Variants in ZBTB20 observed in about 807,000 individuals in gnomAD.
ZBTB20 encodes zinc finger and BTB domain-containing protein 20.
Under a neutral mutation model 56.9 loss-of-function variants are expected in ZBTB20, and 9 were observed. That is an observed-to-expected ratio of 0.16 (90% CI 0.10 to 0.28). ZBTB20 has a LOEUF of 0.28. Ranked by LOEUF, ZBTB20 falls within the 10% of genes least tolerant of loss-of-function variation. The pLI, the probability that ZBTB20 is intolerant of heterozygous loss-of-function variation, is 1.00. For missense variants in ZBTB20, 655 were observed against 1,003.0 expected (o/e 0.65, Z 4.69); for synonymous variants, 417 against 420.7 (o/e 0.99, Z 0.11).
At chr3:114,920,192 AT>A (rs2075903650) in intron 3 of ZBTB20, among the ~76,000 whole-genome samples, 1 of 152,206 alleles carries the variant, frequency 6.6e-6, no homozygotes, top group African/African-American at 2.4e-5. Context: ...AGATTTCAAT[AT>A]TCCACTTTCA....
chr3:115,012,113 C>T (rs2079742575), intron 2 of ZBTB20, among the ~76,000 whole-genome samples: 1 of 151,480 alleles, frequency 6.6e-6, no homozygotes, highest in African/African-American at 2.4e-5. Flanking sequence ...CAGAGAAAAT[C>T]ATCTTCACGA....
At chr3:114,674,523 A>G (rs529355247) in intron 6 of ZBTB20, among the ~76,000 whole-genome samples, 1 of 152,324 alleles carries the variant, frequency 6.6e-6, no homozygotes, top group Admixed American at 6.5e-5. Context: ...ATTTTTAATT[A>G]TTAACTTGTA....
chr3:114,558,922 C>A (rs2051631255), intron 6 of ZBTB20, among the ~76,000 whole-genome samples: 1 of 152,130 alleles, frequency 6.6e-6, no homozygotes, highest in Admixed American at 6.6e-5. Context: ...AAATGATTTT[C>A]CTTCACATCT....
intron 6 of ZBTB20, among the ~76,000 whole-genome samples, chr3:114,606,964 G>A (rs909311515): frequency 6.6e-6 from 1 of 151,826 alleles, no homozygotes; most frequent in African/African-American, 2.4e-5. Context: ...TGGGCGTGGT[G>A]GTGGGCACCT....
chr3:114,475,850 C>A (rs2040693105), intron 7 of ZBTB20, among the ~76,000 whole-genome samples: 1 of 152,070 alleles, frequency 6.6e-6, no homozygotes, highest in Admixed American at 6.5e-5. Flanking sequence ...AAGATAACAA[C>A]CCTGAATCAT....
chr3:114,635,978 C>T (rs974406118), intron 6 of ZBTB20, among the ~76,000 whole-genome samples: 1 of 152,002 alleles, frequency 6.6e-6, no homozygotes, highest in Non-Finnish European at 1.5e-5. Flanking sequence ...ACACCAAGAC[C>T]CATTATAATC....
intron 7 of ZBTB20, among the ~76,000 whole-genome samples, chr3:114,466,483 C>G (rs1440398786): frequency 6.6e-6 from 1 of 152,162 alleles, no homozygotes; most frequent in East Asian, 1.9e-4. Context: ...TAAGACTTTG[C>G]TCCCTCTTAG....
At chr3:114,340,020 T>C (rs903405395) in intron 11 of ZBTB20, among the ~76,000 whole-genome samples, 1 of 152,244 alleles carries the variant, frequency 6.6e-6, no homozygotes, top group African/African-American at 2.4e-5. Context: ...AGCTATACTT[T>C]CAAGTTTATC....
intron 5 of ZBTB20, among the ~76,000 whole-genome samples, chr3:114,787,136 A>G (rs899243501): frequency 2.0e-5 from 3 of 151,424 alleles, no homozygotes; most frequent in Admixed American, 2.0e-4. Flanking sequence ...CACCATGCCT[A>G]GTCAATTAAA....
chr3:114,629,229 A>C (rs1184397523), intron 6 of ZBTB20, among the ~76,000 whole-genome samples: 3 of 152,162 alleles, frequency 2.0e-5, no homozygotes, highest in Non-Finnish European at 4.4e-5. Flanking sequence ...CCATTTGTAA[A>C]ATAGGGATGA....
At chr3:114,748,404 C>T (rs1452311096) in intron 5 of ZBTB20, among the ~76,000 whole-genome samples, 1 of 106,294 alleles carries the variant, frequency 9.4e-6, no homozygotes, top group Non-Finnish European at 2.1e-5. Context: ...TTTGTTGTAG[C>T]TTCCTCTTTC....
At chr3:114,834,839 ATTT>A (rs148347405) in intron 4 of ZBTB20, among the ~76,000 whole-genome samples, 2 of 151,922 alleles carry the variant, frequency 1.3e-5, no homozygotes, top group Non-Finnish European at 2.9e-5. Flanking sequence ...GAAAGCCTGG[ATTT>A]TTTTTATCTT....
intron 2 of ZBTB20, among the ~76,000 whole-genome samples, chr3:115,057,600 G>C (rs2081853553): frequency 6.6e-6 from 1 of 152,076 alleles, no homozygotes; most frequent in African/African-American, 2.4e-5. Flanking sequence ...AAAAAAGTGT[G>C]TTATATTTAC....
rs2079179310 is a variant in ZBTB20, at chr3:114,329,724, A to C, written c.*9281T>G. 2 of 147,298 alleles carry C rather than the reference A, an allele frequency of 1.4e-5. No homozygotes were observed. Among genetic ancestry groups the C allele is most frequent in the African/African-American group, 5.2e-5 (2 of 38,586 alleles). The allele number at this position is 147,298 out of a possible 1,614,324, so 9.1% of individuals were successfully genotyped here. The stretch of plus-strand genomic sequence containing the variant: ...ACTTTTTTTGGAAAAAAAAAAAAAA[A>C]AAAAAAAAAAAAACAACTCCCAGGA... On this transcript the variant is annotated 3_prime_UTR_variant, in exon 12 of 12. Transcript: ENST00000675478.
At chr3:114,568,114 G>A (rs1197972514) in intron 6 of ZBTB20, among the ~76,000 whole-genome samples, 4 of 152,236 alleles carry the variant, frequency 2.6e-5, no homozygotes, top group Non-Finnish European at 5.9e-5. Context: ...GATAACCCTA[G>A]CTTTCTCTTC....
At position 114,666,470 on chromosome 3, in the gene ZBTB20, G is replaced by A. The variant is rs149418979; in HGVS notation, c.-295+27058C>T. Among the ~76,000 whole-genome samples, 260 of 152,070 alleles carry A rather than the reference G, an allele frequency of 1.7e-3. 1 individual carries two copies. Among genetic ancestry groups the A allele is most frequent in the African/African-American group, 6.1e-3 (252 of 41,516 alleles). ...CAAAGGAGATTAGCTATTTCTTTTTGTATGCAGACAGAAAGAAGTGTGATC... is the reference window on the plus strand; with the variant it reads ...CAAAGGAGATTAGCTATTTCTTTTTATATGCAGACAGAAAGAAGTGTGATC... On this transcript the variant is annotated intron_variant, in intron 6 of 11. Coordinates refer to ENST00000675478, the MANE Select transcript of ZBTB20 (RefSeq NM_001348800.3).
At chr3:114,783,855 AT>A (rs1389977140) in intron 5 of ZBTB20, among the ~76,000 whole-genome samples, 4 of 152,046 alleles carry the variant, frequency 2.6e-5, no homozygotes, top group Non-Finnish European at 5.9e-5. Flanking sequence ...ACTGAAAAAA[AT>A]ATGCTTAGTT....
chr3:114,474,129 C>A (rs553640718), intron 7 of ZBTB20, among the ~76,000 whole-genome samples: 2 of 152,166 alleles, frequency 1.3e-5, no homozygotes, highest in Non-Finnish European at 2.9e-5. Flanking sequence ...AAAGACAAGC[C>A]CCCTGATTCA....
At chr3:114,499,707 C>T (rs1054746338) in intron 7 of ZBTB20, among the ~76,000 whole-genome samples, 7 of 152,150 alleles carry the variant, frequency 4.6e-5, no homozygotes, top group South Asian at 2.1e-4. Context: ...AATGAACGTT[C>T]TCTTTTTTTT....
Sources: allele counts gnomAD v4.1 joint callset (sites outside exome capture counted in the v4.1 genomes callset), GRCh38; gene constraint gnomAD v4.1.1; transcripts MANE v1.5; gene names NCBI Gene and HGNC (gene_info 2026-07-23, HGNC 2026-07-21).